The following VDR variants were observed in gnomAD, a reference collection of about 807,000 sequenced individuals.
VDR encodes the protein vitamin D3 receptor.
In VDR, 19 loss-of-function variants were observed where a neutral mutation model predicts 39.7. That is an observed-to-expected ratio of 0.48 (90% CI 0.33 to 0.70). The LOEUF (loss-of-function observed/expected upper bound fraction) is 0.70, where lower values mean the gene tolerates loss of function less well. Among genes scored for constraint, VDR ranks in the 30% least tolerant of loss-of-function variants. The pLI is 0.02. For synonymous variants in VDR, 242 were observed against 215.8 expected, an observed-to-expected ratio of 1.12 and a Z score of -1.07; for missense variants, 442 against 570.5, an observed-to-expected ratio of 0.77 and a Z score of 2.29.
chr12:47,864,886 C>G (rs1230809501), intron 4 of VDR, among the ~76,000 whole-genome samples, 161 bp downstream of exon 4: 1 of 152,230 alleles, frequency 6.6e-6, no homozygotes, highest in African/African-American at 2.4e-5. Flanking sequence ...TTCCAGCTGC[C>G]CTGTCACCAG....
intron 1 of VDR, among the ~76,000 whole-genome samples, chr12:47,889,883 G>A (rs1165893691): frequency 6.6e-6 from 1 of 152,178 alleles, no homozygotes; most frequent in Non-Finnish European, 1.5e-5. Flanking sequence ...CCCAAGCCCA[G>A]CTTCCAGTGT....
chr12:47,870,626 G>T (rs1348517050), intron 3 of VDR, among the ~76,000 whole-genome samples: 1 of 152,162 alleles, frequency 6.6e-6, no homozygotes, highest in Non-Finnish European at 1.5e-5. Context: ...AGAGCCTGGG[G>T]CCAGGGCCTC....
chr12:47,862,014 C>CTAA (rs762975280), intron 4 of VDR, among the ~76,000 whole-genome samples: 4 of 152,190 alleles, frequency 2.6e-5, no homozygotes, highest in Non-Finnish European at 5.9e-5. Flanking sequence ...TAATGAGGAG[C>CTAA]TAATATTCAT....
rs34189316 is a variant in VDR at position 47,844,932 on chromosome 12, G to A, written c.1098C>T (p.Tyr366=). Residue 366 remains tyrosine (Y), a synonymous_variant, in exon 10 of 10, where the codon TAC becomes TAT. Transcript: ENST00000549336. ...CCGGGGGCGGGTGGCGGCAGCGGAT[G>A]TACGTCTGCAGTGTGTTGGACAGGC... ...QDRLSNTLQT[Y]IRCRHPPPGS... 161 of 1,613,968 alleles carry A rather than the reference G, an allele frequency of 1.0e-4. No individual in the cohort carries two copies. Among genetic ancestry groups the A allele is most frequent in the African/African-American group, 1.3e-5 (1 of 74,910 alleles).
chr12:47,872,110 A>G (rs1330716389), intron 3 of VDR, among the ~76,000 whole-genome samples: 1 of 152,274 alleles, frequency 6.6e-6, no homozygotes, highest in African/African-American at 2.4e-5. Flanking sequence ...CATTTAAAAA[A>G]TCCACTACCC....
intron 3 of VDR, among the ~76,000 whole-genome samples, chr12:47,876,174 G>A (rs896840488): frequency 6.6e-6 from 1 of 152,144 alleles, no homozygotes; most frequent in Admixed American, 6.6e-5. Flanking sequence ...ATTTTAGCAA[G>A]TGGGCAGATT....
chr12:47,888,751 A>T (rs1021728428), intron 1 of VDR, among the ~76,000 whole-genome samples: 3 of 152,096 alleles, frequency 2.0e-5, no homozygotes, highest in African/African-American at 7.2e-5. Context: ...AGAGGCTGGG[A>T]TGGGTAGCAG....
chr12:47,893,898 C>T (rs1592152033), intron 1 of VDR, among the ~76,000 whole-genome samples: 1 of 152,236 alleles, frequency 6.6e-6, no homozygotes, highest in South Asian at 2.1e-4. Context: ...TGACACAAGC[C>T]TTGCCTTACC....
intron 7 of VDR, among the ~76,000 whole-genome samples, chr12:47,849,803 A>G (rs556063717): frequency 1.3e-4 from 20 of 152,042 alleles, no homozygotes; most frequent in Non-Finnish European, 2.5e-4. Flanking sequence ...GCTCATAACC[A>G]CACTTCACAT....
chr12:47,882,455 C>A (rs1459306099), intron 2 of VDR, among the ~76,000 whole-genome samples: 1 of 152,068 alleles, frequency 6.6e-6, no homozygotes, highest in African/African-American at 2.4e-5. Flanking sequence ...GAGAGCCCAG[C>A]CAGGGTCGTG....
At chr12:47,882,967 A>C (rs1946187519) in intron 1 of VDR, 193 bp from the exon 2 acceptor site, 1 of 533,756 alleles carries the variant, frequency 1.9e-6, no homozygotes, top group South Asian at 2.4e-5. Flanking sequence ...GCGGCTGGGC[A>C]GCAGCCAGGA....
At chr12:47,846,127 T>C (rs1386725705) in intron 9 of VDR, among the ~76,000 whole-genome samples, 1 of 152,178 alleles carries the variant, frequency 6.6e-6, no homozygotes, top group African/African-American at 2.4e-5. Flanking sequence ...GCCTGCACAC[T>C]CTGCAAGGCA....
intron 7 of VDR, among the ~76,000 whole-genome samples, chr12:47,851,643 C>T (rs1440281333): frequency 6.6e-6 from 1 of 152,222 alleles, no homozygotes; most frequent in African/African-American, 2.4e-5. Context: ...ACTGGGCTGG[C>T]CCACCCTGGG....
chr12:47,879,731 G>A (rs1343018108), intron 2 of VDR, among the ~76,000 whole-genome samples: 1 of 152,108 alleles, frequency 6.6e-6, no homozygotes, highest in Non-Finnish European at 1.5e-5. Flanking sequence ...TGGTGTTCCT[G>A]TACCAAGACA....
At chr12:47,866,402 C>A (rs1045442965) in intron 3 of VDR, among the ~76,000 whole-genome samples, 1 of 152,296 alleles carries the variant, frequency 6.6e-6, no homozygotes, top group South Asian at 2.1e-4. Context: ...GCCGAAGAAA[C>A]CTTTTTAAAT....
chr12:47,864,647 T>C (rs1322652450), intron 4 of VDR, among the ~76,000 whole-genome samples: 2 of 151,976 alleles, frequency 1.3e-5, no homozygotes, highest in Non-Finnish European at 2.9e-5. Context: ...AACCTGGGGG[T>C]CCTTGAACCT....
At chr12:47,881,615 C>G (rs78966569) in intron 2 of VDR, among the ~76,000 whole-genome samples, 35 of 151,938 alleles carry the variant, frequency 2.3e-4, no homozygotes, top group Admixed American at 2.3e-3. Flanking sequence ...GTATCTTCTT[C>G]TTATTATTAT....
rs369248365 is a variant in VDR at position 47,865,125 on chromosome 12, G to T, written c.199C>A (p.Arg67Ser). 36 of 1,613,734 alleles carry T rather than the reference G, an allele frequency of 2.2e-5. No homozygotes were observed. The highest frequency in any genetic ancestry group is 2.9e-5 in the Non-Finnish European group (34 of 1,179,778). ...TGGCGTCGGTTGTCCTTGGTGATGCGGCAGTCCCCGTTGAAGGGGCAGGTG... is the reference window on the plus strand; with the variant it reads ...TGGCGTCGGTTGTCCTTGGTGATGCTGCAGTCCCCGTTGAAGGGGCAGGTG... ...LFTCPFNGDCRITKDNRRHCQ... is the reference protein window; with the variant it reads ...LFTCPFNGDCSITKDNRRHCQ... Residue 67 changes from arginine to serine, a missense_variant, in exon 4 of 10, where the codon CGC becomes AGC. Coordinates refer to ENST00000549336, the MANE Select transcript of VDR (RefSeq NM_000376.3).
At chr12:47,853,015 C>T (rs1260030110) in intron 7 of VDR, among the ~76,000 whole-genome samples, 1 of 152,216 alleles carries the variant, frequency 6.6e-6, no homozygotes, top group Non-Finnish European at 1.5e-5. Flanking sequence ...GATTGATTTA[C>T]TTCTCTTTCT....
Sources: gnomAD v4.1 joint callset for allele counts (sites outside exome capture counted in the v4.1 genomes callset) on GRCh38, gnomAD v4.1.1 for gene constraint, MANE v1.5 for transcripts, NCBI Gene and HGNC (gene_info 2026-07-23, HGNC 2026-07-21) for gene names.